DNM2: variants seen among roughly 807,000 people sequenced by gnomAD.
DNM2 encodes the protein dynamin-2.
In DNM2, 15 loss-of-function variants were observed where a neutral mutation model predicts 99.0. The observed-to-expected ratio is 0.15, with a 90% confidence interval of 0.10 to 0.23. The LOEUF (loss-of-function observed/expected upper bound fraction) is 0.23, where lower values mean the gene tolerates loss of function less well. DNM2 is among the 10% of genes least tolerant of loss of function. The pLI is 1.00. For synonymous variants in DNM2, 525 were observed against 481.2 expected (o/e 1.09, Z -1.19); for missense variants, 742 against 1,189.4 (o/e 0.62, Z 5.53).
chr19:10,799,836 C>A (rs1283535746), intron 11 of DNM2, among the ~76,000 whole-genome samples: 2 of 150,272 alleles, frequency 1.3e-5, no homozygotes, highest in Non-Finnish European at 3.0e-5. Context: ...GCCCAGCCTG[C>A]TTTTTCTTTT....
chr19:10,739,861 C>CAAAAAA (rs59755624), intron 1 of DNM2, among the ~76,000 whole-genome samples: 1 of 32,644 alleles, frequency 3.1e-5, no homozygotes, highest in South Asian at 1.1e-3. Flanking sequence ...CTCTCTCTCT[C>CAAAAAA]AAAAAAAAAA....
chr19:10,748,477 G>A (rs2070075013), intron 1 of DNM2, among the ~76,000 whole-genome samples: 2 of 152,302 alleles, frequency 1.3e-5, no homozygotes, highest in South Asian at 2.1e-4. Flanking sequence ...CGGACACTGT[G>A]TGGGCCGAGC....
chr19:10,786,236 G>A (rs1206270553), intron 6 of DNM2, among the ~76,000 whole-genome samples: 1 of 152,240 alleles, frequency 6.6e-6, no homozygotes, highest in Non-Finnish European at 1.5e-5. Context: ...CCCCATGTGT[G>A]TTCATTGGCC....
Position 10,817,170 on chromosome 19 carries a change from TATCTCTTTATTTAAAAA to T in DNM2, c.1672-2807_1672-2791del, listed in dbSNP as rs1350612511. On this transcript the variant is annotated intron_variant, in intron 15 of 20. Coordinates refer to ENST00000389253, the MANE Select transcript of DNM2 (RefSeq NM_001005361.3). The surrounding 1 kb of genome is among the most constrained non-coding windows in gnomAD (Gnocchi z 4.6). ...GCCTCAGTGAGACACAAGACATCAA[TATCTCTTTATTTAAAAA>T]ATAAACAAGACATTTACAGCCATGG... Among the ~76,000 whole-genome samples, 1 of 152,184 alleles carries T rather than the reference TATCTCTTTATTTAAAAA, an allele frequency of 6.6e-6. No homozygotes were observed. The highest frequency in any genetic ancestry group is 2.4e-5 in the African/African-American group (1 of 41,442).
chr19:10,750,087 C>T (rs1219594313), intron 1 of DNM2, among the ~76,000 whole-genome samples: 2 of 152,130 alleles, frequency 1.3e-5, no homozygotes, highest in African/African-American at 4.8e-5. Context: ...GAGGCAGGAT[C>T]TTCATTTTAG....
intron 16 of DNM2, among the ~76,000 whole-genome samples, chr19:10,822,687 C>T (rs1479791395): frequency 2.6e-5 from 4 of 151,420 alleles, no homozygotes; most frequent in East Asian, 3.9e-4. Context: ...TTAGTATTGA[C>T]GGGGTTTCAC....
chr19:10,789,719 A>G (rs746236512), intron 7 of DNM2, among the ~76,000 whole-genome samples: 2 of 152,140 alleles, frequency 1.3e-5, no homozygotes, highest in Non-Finnish European at 2.9e-5. Context: ...CTGTAGTCCC[A>G]GCTACTTGGA....
intron 1 of DNM2, among the ~76,000 whole-genome samples, chr19:10,721,177 C>T (rs1248582309): frequency 1.3e-5 from 2 of 151,934 alleles, no homozygotes; most frequent in African/African-American, 4.8e-5. Flanking sequence ...TATATTTTTA[C>T]ACCGAGTCTC....
intron 1 of DNM2, among the ~76,000 whole-genome samples, chr19:10,728,530 A>G (rs2069186610): frequency 6.6e-6 from 1 of 152,106 alleles, no homozygotes; most frequent in Admixed American, 6.6e-5. Context: ...GTGGCTTTGG[A>G]TATGCATCGA....
At chr19:10,718,652 C>A (rs550634691) in intron 1 of DNM2, 2 of 391,300 alleles carry the variant, frequency 5.1e-6, no homozygotes, top group East Asian at 1.0e-4. Flanking sequence ...AGGAGGTGCG[C>A]TGGAACCCTG....
At chr19:10,805,577 A>G (rs2072302399) in intron 12 of DNM2, among the ~76,000 whole-genome samples, 2 of 152,194 alleles carry the variant, frequency 1.3e-5, no homozygotes. Context: ...TCAAGGCTGC[A>G]GTGAGCTGTG....
Position 10,730,452 on chromosome 19 carries a change from G to A in DNM2, c.161+12049G>A, listed in dbSNP as rs982938358. On this transcript the variant is annotated intron_variant, in intron 1 of 20. Transcript: ENST00000389253. ...CCACACTGTGCCATTGCACTGCAGC[G>A]TGGGTGACAGAGCGAGACCCTGTCT... Among the ~76,000 whole-genome samples, 6 of 151,860 alleles carry A rather than the reference G, an allele frequency of 4.0e-5. No homozygotes were observed. The South Asian group carries it at 8.3e-4, about 21-fold the overall frequency.
intron 1 of DNM2, among the ~76,000 whole-genome samples, chr19:10,729,164 C>CA (rs919370114): frequency 0.26 from 11,201 of 43,880 alleles, 3,491 homozygotes; most frequent in Non-Finnish European, 0.34. Context: ...GACTCCGTCT[C>CA]AAAAAAAAAA....
intron 3 of DNM2, among the ~76,000 whole-genome samples, chr19:10,774,396 T>A (rs2071080707): frequency 6.6e-6 from 1 of 152,256 alleles, no homozygotes; most frequent in African/African-American, 2.4e-5. Context: ...TTATCACTCC[T>A]TTTCCTTAAA....
chr19:10,830,996 G>A lies in DNM2; in HGVS notation c.2562G>A (p.Ala854=), dbSNP rs761141093. 1.2e-5 allele frequency: 19 copies of A among 1,610,304 alleles called. No homozygotes were observed. Among genetic ancestry groups the A allele is most frequent in the African/African-American group, 2.7e-5 (2 of 74,678 alleles). Residue 854 remains alanine (A), a synonymous_variant, in exon 21 of 21, where the codon GCG becomes GCA. Coordinates refer to ENST00000389253, the MANE Select transcript of DNM2 (RefSeq NM_001005361.3). The surrounding 1 kb of genome is among the most constrained non-coding windows in gnomAD (Gnocchi z 4.8). ...PGVPSRRPPA[A]PSRPTIIRPA... is the part of the protein sequence containing the mutation. ...TTTGCAGCAGAAGACCCCCTGCTGC[G>A]CCCAGCCGGCCCACCATTATCCGCC...
rs2071024032 is a variant in DNM2 at position 10,772,801 on chromosome 19, T to C, written c.385+173T>C. On this transcript the variant is annotated intron_variant, in intron 3 of 20. Coordinates refer to ENST00000389253, the MANE Select transcript of DNM2 (RefSeq NM_001005361.3). This position sits in a 1 kb window ranked among gnomAD's most constrained non-coding sequence, Gnocchi z 4.9. ...TATCTTCCCACTTGTGCTAGGTATG[T>C]AGTACCCAGACCTCTGTCTCAGCTT... Among the ~76,000 whole-genome samples, 1 of 152,156 alleles carries C rather than the reference T, an allele frequency of 6.6e-6. No individual in the cohort carries two copies.
chr19:10,736,717 A>G (rs778598491), intron 1 of DNM2, among the ~76,000 whole-genome samples: 12 of 152,010 alleles, frequency 7.9e-5, no homozygotes, highest in Admixed American at 5.2e-4. Context: ...ACTGGTTTTT[A>G]TAACTGTGTA....
intron 1 of DNM2, among the ~76,000 whole-genome samples, chr19:10,759,282 G>T (rs1009777967): frequency 1.3e-5 from 2 of 152,078 alleles, no homozygotes; most frequent in Non-Finnish European, 2.9e-5. Context: ...CCACATCCAG[G>T]TATCCACTGA....
chr19:10,801,064 G>T (rs1599580316), intron 11 of DNM2, among the ~76,000 whole-genome samples: 1 of 152,378 alleles, frequency 6.6e-6, no homozygotes, highest in Non-Finnish European at 1.5e-5. Context: ...CTAGCACTTT[G>T]GGAGGCCAAG....
Sources: allele counts gnomAD v4.1 joint callset (sites outside exome capture counted in the v4.1 genomes callset), GRCh38; gene constraint gnomAD v4.1.1; non-coding constraint Gnocchi (gnomAD v3.1); transcripts MANE v1.5; gene names NCBI Gene and HGNC (gene_info 2026-07-23, HGNC 2026-07-21).